Variants in SBF2 observed in about 807,000 individuals in gnomAD.
SBF2 encodes myotubularin-related protein 13.
A neutral mutation model predicts 225.2 loss-of-function variants in SBF2; 112 were observed. The ratio of observed to expected loss-of-function variants is 0.50; its 90% confidence interval spans 0.43 to 0.58. The LOEUF is 0.58. Among genes scored for constraint, SBF2 ranks in the 20% least tolerant of loss-of-function variants. The pLI, the probability that SBF2 is intolerant of heterozygous loss-of-function variation, is 0.00. For missense variants in SBF2, 1,996 were observed against 2,206.2 expected, an observed-to-expected ratio of 0.90 and a Z score of 1.91; for synonymous variants, 763 against 773.3, an observed-to-expected ratio of 0.99 and a Z score of 0.22.
At chr11:10,284,664 A>G (rs1258481420) in intron 1 of SBF2, among the ~76,000 whole-genome samples, 2 of 152,178 alleles carry the variant, frequency 1.3e-5, no homozygotes, top group East Asian at 3.9e-4. Context: ...AGGCTGGAGT[A>G]CAATGGCAAA....
In SBF2 at chr11:10,004,574, T is replaced by TAAAAAA. The variant is rs763688115; in HGVS notation, c.620-1891_620-1886dup. Among the ~76,000 whole-genome samples, 325 of 85,486 alleles carry TAAAAAA rather than the reference T, an allele frequency of 3.8e-3. 7 individuals are homozygous for TAAAAAA. The highest frequency in any genetic ancestry group is 0.011 in the South Asian group (26 of 2,448). 56.1% of individuals were successfully genotyped at this position (85,486 alleles called of 152,430 possible). On this transcript the variant is annotated intron_variant, in intron 6 of 39. Transcript: ENST00000256190. ...TCCTAAGTAAGATAGCTACAAAAATTAAAAAAAAAAAAAAAAAAAAACAAA... is the reference window on the plus strand; with the variant it reads ...TCCTAAGTAAGATAGCTACAAAAATTAAAAAAAAAAAAAAAAAAAAAAAAAAACAAA...
intron 2 of SBF2, among the ~76,000 whole-genome samples, chr11:10,070,031 A>C (rs1950800397): frequency 6.6e-6 from 1 of 152,068 alleles, no homozygotes; most frequent in African/African-American, 2.4e-5. Flanking sequence ...AATTTGTTTA[A>C]GTTCTTTGTA....
intron 2 of SBF2, among the ~76,000 whole-genome samples, chr11:10,184,026 G>A (rs1956835344): frequency 6.6e-6 from 1 of 152,108 alleles, no homozygotes. Context: ...AGGTATTTGA[G>A]GTGATGGATA....
intron 33 of SBF2, among the ~76,000 whole-genome samples, chr11:9,795,223 G>A (rs185053845): frequency 3.3e-5 from 5 of 152,250 alleles, no homozygotes; most frequent in Non-Finnish European, 5.9e-5. Flanking sequence ...TTACTAATGC[G>A]AGTGATGTCT....
intron 2 of SBF2, among the ~76,000 whole-genome samples, chr11:10,096,843 T>C (rs1011684986): frequency 6.6e-5 from 10 of 152,192 alleles, no homozygotes; most frequent in African/African-American, 1.7e-4. Context: ...TTCCAAATTA[T>C]AGTGCTAATC....
At chr11:10,275,300 T>C (rs1962867426) in intron 1 of SBF2, among the ~76,000 whole-genome samples, 1 of 152,162 alleles carries the variant, frequency 6.6e-6, no homozygotes, top group Non-Finnish European at 1.5e-5. Flanking sequence ...TTACCCCCAT[T>C]TGTGCTTGTA....
upstream of SBF2, among the ~76,000 whole-genome samples, chr11:10,296,491 C>T (rs913989354): frequency 2.6e-5 from 4 of 152,096 alleles, no homozygotes; most frequent in Non-Finnish European, 5.9e-5. Flanking sequence ...GAGAAAGACC[C>T]GCCCCCATGA....
chr11:9,805,142 A>G (rs901793938), intron 32 of SBF2, among the ~76,000 whole-genome samples: 3 of 151,914 alleles, frequency 2.0e-5, no homozygotes, highest in Admixed American at 2.0e-4. Flanking sequence ...GCTACTTGGG[A>G]GGCCAAGGTG....
chr11:10,180,500 T>C (rs1956694912), intron 2 of SBF2, among the ~76,000 whole-genome samples: 1 of 152,180 alleles, frequency 6.6e-6, no homozygotes, highest in African/African-American at 2.4e-5. Flanking sequence ...TTCAAGATCC[T>C]TTCTTTATCC....
Position 9,884,276 on chromosome 11 carries a change from G to A in SBF2, c.1929+11667C>T, listed in dbSNP as rs147725277. 2.6e-3 allele frequency among the ~76,000 whole-genome samples: 390 copies of A among 152,250 alleles called. 2 individuals carry two copies. Among genetic ancestry groups the A allele is most frequent in the African/African-American group, 8.8e-3 (366 of 41,546 alleles). On this transcript the variant is annotated intron_variant, in intron 17 of 39. Coordinates refer to ENST00000256190, the MANE Select transcript of SBF2 (RefSeq NM_030962.4). ...CAATTCAATTCAAGAAACTGTTTTT[G>A]TGAAATGCTCTATGCTAGATACCAT...
intron 30 of SBF2, chr11:9,811,398 G>C (rs1590137398): frequency 6.6e-6 from 1 of 152,188 alleles, no homozygotes; most frequent in East Asian, 1.9e-4. Context: ...AATATCCCAA[G>C]TGGGCAATTA....
At chr11:9,914,041 G>A (rs1862870560) in intron 16 of SBF2, among the ~76,000 whole-genome samples, 1 of 152,112 alleles carries the variant, frequency 6.6e-6, no homozygotes, top group African/African-American at 2.4e-5. Context: ...ATCACATTTG[G>A]CTATCAAGAT....
chr11:10,198,774 C>T (rs1359292167), intron 1 of SBF2, among the ~76,000 whole-genome samples: 2 of 152,222 alleles, frequency 1.3e-5, no homozygotes, highest in African/African-American at 4.8e-5. Flanking sequence ...GCTGCTTCAC[C>T]TTGCACTTTC....
chr11:9,846,909 T>C (rs781781738), intron 23 of SBF2, 47 bp downstream of exon 23: 1 of 1,610,998 alleles, frequency 6.2e-7, no homozygotes, highest in Admixed American at 1.7e-5. Flanking sequence ...ATCATTTGAC[T>C]TTTGAAAATT....
chr11:10,043,766 G>C (rs1375384683), intron 2 of SBF2, among the ~76,000 whole-genome samples: 1 of 151,990 alleles, frequency 6.6e-6, no homozygotes, highest in Non-Finnish European at 1.5e-5. Flanking sequence ...TAGAGAAAGG[G>C]TCTTTCCATG....
chr11:10,273,078 A>AAAT (rs1565423502), intron 1 of SBF2, among the ~76,000 whole-genome samples: 1 of 85,480 alleles, frequency 1.2e-5, no homozygotes, highest in East Asian at 2.9e-4. Context: ...TCCGAAAAAA[A>AAAT]AAATAAATAA....
At chr11:9,986,120 G>T (rs58417434) in intron 13 of SBF2, among the ~76,000 whole-genome samples, 1 of 151,962 alleles carries the variant, frequency 6.6e-6, no homozygotes, top group Non-Finnish European at 1.5e-5. Flanking sequence ...GGAAATTGAC[G>T]CCAAAAGGAA....
chr11:9,813,473 G>A (rs547563093), intron 29 of SBF2, among the ~76,000 whole-genome samples: 24 of 152,058 alleles, frequency 1.6e-4, no homozygotes, highest in African/African-American at 4.8e-4. Context: ...GACTACAGTC[G>A]TGCGCCACCA....
At chr11:9,952,098 A>G (rs918070518) in intron 16 of SBF2, among the ~76,000 whole-genome samples, 2 of 152,248 alleles carry the variant, frequency 1.3e-5, no homozygotes, top group Admixed American at 1.3e-4. Flanking sequence ...AGGCTGCCAG[A>G]GTCCTGGAAG....
Sources: gnomAD v4.1 joint callset for allele counts (sites outside exome capture counted in the v4.1 genomes callset) on GRCh38, gnomAD v4.1.1 for gene constraint, MANE v1.5 for transcripts, NCBI Gene and HGNC (gene_info 2026-07-23, HGNC 2026-07-21) for gene names.